The following BROX variants were observed in gnomAD, a reference collection of about 807,000 sequenced individuals.
BROX encodes the protein BRO1 domain and CAAX motif containing, also known as BRO1 domain-containing protein BROX.
Under a neutral mutation model 61.0 loss-of-function variants are expected in BROX, and 53 were observed. The ratio of observed to expected loss-of-function variants is 0.87; its 90% CI spans 0.70 to 1.09. The LOEUF is 1.09. Ranked by LOEUF, BROX falls within the 50% of genes least tolerant of loss-of-function variation. The probability of loss-of-function intolerance (pLI) is 0.00; values close to 1 mark genes in which losing one functional copy is unlikely to be tolerated. For missense variants in BROX, 489 were observed against 472.0 expected (o/e 1.04, Z -0.33); for synonymous variants, 152 against 160.2 (o/e 0.95, Z 0.38).
At chr1:222,720,559 C>G (rs1657004726) in intron 4 of BROX, among the ~76,000 whole-genome samples, 1 of 152,092 alleles carries the variant, frequency 6.6e-6, no homozygotes, top group South Asian at 2.1e-4. Context: ...CGCCTGTAAT[C>G]CCAACACTTT....
At chr1:222,724,727 A>G (rs553117167) in intron 6 of BROX, among the ~76,000 whole-genome samples, 35 of 152,278 alleles carry the variant, frequency 2.3e-4, no homozygotes, top group African/African-American at 7.0e-4. Context: ...GATTTTTTTC[A>G]TATTAAAATA....
chr1:222,731,084 A>G (rs1049613123), intron 11 of BROX, among the ~76,000 whole-genome samples: 24 of 152,078 alleles, frequency 1.6e-4, no homozygotes, highest in Non-Finnish European at 8.8e-5. Flanking sequence ...TGCCTAGTTC[A>G]CCTTTAATCA....
chr1:222,719,336 TA>T lies in BROX; in HGVS notation c.283del (p.Thr95HisfsTer17). 6.2e-7 allele frequency: 1 copy of T among 1,609,342 alleles called. No homozygotes were observed. Among genetic ancestry groups the T allele is most frequent in the African/African-American group, 1.3e-5 (1 of 74,924 alleles). On this transcript the variant is annotated frameshift_variant, in exon 4 of 13. Coordinates refer to ENST00000340934, the MANE Select transcript of BROX (RefSeq NM_144695.4). LOFTEE classifies it high-confidence loss of function. ...RYIQNFKWTDTLQGQVPSAQQ... is the reference protein window; with the variant it reads ...RYIQNFKWTDXLQGQVPSAQQ... ...ATATTCAAAATTTCAAGTGGACTGATACATTGCAAGGACAGGTTCCAAGGTA... is the reference window on the plus strand; with the variant it reads ...ATATTCAAAATTTCAAGTGGACTGATCATTGCAAGGACAGGTTCCAAGGTA...
At chr1:222,731,567 A>G in intron 12 of BROX, 51 bp downstream of exon 12, 1 of 1,534,918 alleles carries the variant, frequency 6.5e-7, no homozygotes. Context: ...TTTAAAAGAA[A>G]ATTCAGAGTT....
Position 222,714,915 on chromosome 1 carries a change from AGTATT to A in BROX, c.-16-763_-16-759del, listed in dbSNP as rs10607879. 1.8e-4 allele frequency among the ~76,000 whole-genome samples: 28 copies of A among 152,322 alleles called. No individual in the cohort carries two copies. In the East Asian group the frequency reaches 2.7e-3, roughly 15 times the overall value. On this transcript the variant is annotated intron_variant, in intron 1 of 12. Transcript: ENST00000340934. ...ATTTTATAATAGAATTTATTGATCA[AGTATT>A]GTATTACATTTTTATTTTAAAAATA...
intron 4 of BROX, 55 bp from the exon 5 acceptor site, chr1:222,722,364 A>T (rs1657164289): frequency 7.1e-7 from 1 of 1,411,266 alleles, no homozygotes; most frequent in Non-Finnish European, 1.0e-6. Flanking sequence ...AGTAGGCTTC[A>T]TGGTGTGATG....
At position 222,712,751 on chromosome 1, in the gene BROX, CT is replaced by C. The variant is rs1656149704; in HGVS notation, c.-207del. 1 of 1,290,000 alleles carries C rather than the reference CT, an allele frequency of 7.8e-7. No homozygotes were observed. 79.9% of individuals were successfully genotyped at this position (1,290,000 alleles called of 1,614,324 possible). Reference sequence around the variant, plus strand: ...CGCCGCGGCAATACCCGCCCCTGAGCTGCGCGCACTACCGCCTCGGTAGCTA... The same window carrying C: ...CGCCGCGGCAATACCCGCCCCTGAGCGCGCGCACTACCGCCTCGGTAGCTA... On this transcript the variant is annotated 5_prime_UTR_variant, in exon 1 of 13. Coordinates refer to ENST00000340934, the MANE Select transcript of BROX (RefSeq NM_144695.4).
chr1:222,730,358 G>A (rs1158638484), intron 11 of BROX, among the ~76,000 whole-genome samples, 181 bp downstream of exon 11: 1 of 152,180 alleles, frequency 6.6e-6, no homozygotes, highest in Non-Finnish European at 1.5e-5. Context: ...CACTCTGGGA[G>A]GTCAAGGAGG....
At chr1:222,716,933 G>A (rs1411701901) in intron 2 of BROX, among the ~76,000 whole-genome samples, 1 of 152,176 alleles carries the variant, frequency 6.6e-6, no homozygotes, top group Non-Finnish European at 1.5e-5. Context: ...TTTGCCTTGG[G>A]AGGCTGAAAA....
intron 2 of BROX, chr1:222,717,821 A>T (rs891563591): frequency 6.6e-6 from 1 of 152,200 alleles, no homozygotes; most frequent in Admixed American, 6.5e-5. Flanking sequence ...TTCTTTTTCC[A>T]CTCAACAAGT....
chr1:222,729,877 A>G, intron 10 of BROX, 150 bp from the exon 11 acceptor site: 3 of 961,392 alleles, frequency 3.1e-6, no homozygotes, highest in Admixed American at 5.3e-5. Flanking sequence ...TAGAAAATAC[A>G]CACCTTCTAC....
intron 11 of BROX, among the ~76,000 whole-genome samples, 151 bp from the exon 12 acceptor site, chr1:222,731,204 CAA>C (rs1657909882): frequency 1.3e-5 from 2 of 152,148 alleles, no homozygotes; most frequent in African/African-American, 4.8e-5. Flanking sequence ...TTGTAATTGA[CAA>C]AAGTTTCTTG....
rs530755117 is a variant in BROX at position 222,712,895 on chromosome 1, T to C, written c.-64T>C. ...TTCTCGCTTGTGGACTCCGATATAT[T>C]GCCCTTCTTCCCTTAGAAGAACTGC... is the stretch of plus-strand genomic sequence containing the variant. On this transcript the variant is annotated 5_prime_UTR_variant, in exon 1 of 13. Coordinates refer to ENST00000340934, the MANE Select transcript of BROX (RefSeq NM_144695.4). The C allele has an allele frequency of 8.1e-6, 10 of 1,238,390 alleles. 1 individual carries two copies. The South Asian group carries it at 1.3e-4, about 17-fold the overall frequency. The allele number at this position is 1,238,390 out of a possible 1,614,324, so 76.7% of individuals were successfully genotyped here.
At chr1:222,719,544 C>A (rs1041797781) in intron 4 of BROX, among the ~76,000 whole-genome samples, 185 bp downstream of exon 4, 11 of 152,184 alleles carry the variant, frequency 7.2e-5, no homozygotes, top group African/African-American at 2.4e-4. Context: ...TAATTTGTTT[C>A]TCCCAACCAA....
chr1:222,721,130 A>G (rs1657067057), intron 4 of BROX, among the ~76,000 whole-genome samples: 2 of 152,244 alleles, frequency 1.3e-5, no homozygotes, highest in African/African-American at 4.8e-5. Flanking sequence ...GACTTCACTA[A>G]ATTAGCCAAA....
rs967199630 is a variant in BROX, at chr1:222,712,931, C to T, written c.-28C>T. The T allele has an allele frequency of 1.7e-6, 2 of 1,191,478 alleles. No homozygotes were observed. The highest frequency in any genetic ancestry group is 2.1e-6 in the Non-Finnish European group (2 of 938,616). The allele number at this position is 1,191,478 out of a possible 1,614,324, so 73.8% of individuals were successfully genotyped here. ...CCTTAGAAGAACTGCTGAACCGACT[C>T]TGAGAAATTTGGTAAGTATGTCAGA... On this transcript the variant is annotated 5_prime_UTR_variant, in exon 1 of 13. Coordinates refer to ENST00000340934, the MANE Select transcript of BROX (RefSeq NM_144695.4).
In BROX at chr1:222,718,914, T is replaced by A. The variant is rs201755100; in HGVS notation, c.102-11T>A. 6.7e-5 allele frequency: 107 copies of A among 1,607,254 alleles called. No individual in the cohort carries two copies. In the African/African-American group the frequency reaches 1.0e-3, roughly 15 times the overall value. On this transcript the variant is annotated splice_polypyrimidine_tract_variant and intron_variant, in intron 2 of 12. Coordinates refer to ENST00000340934, the MANE Select transcript of BROX (RefSeq NM_144695.4). Reference sequence around the variant, plus strand: ...CAGCTAACTTTACTGTCTTTTTGTATCTCTTATAAGTGACTTGAGGTCATC... The same window carrying A: ...CAGCTAACTTTACTGTCTTTTTGTAACTCTTATAAGTGACTTGAGGTCATC...
intron 2 of BROX, 39 bp downstream of exon 2, chr1:222,715,839 C>A: frequency 7.5e-7 from 1 of 1,334,098 alleles, no homozygotes; most frequent in Non-Finnish European, 1.0e-6. Flanking sequence ...ATGCAAGGTA[C>A]TTTTTTTGGT....
At chr1:222,719,533 A>G (rs2125008586) in intron 4 of BROX, among the ~76,000 whole-genome samples, 174 bp downstream of exon 4, 1 of 152,374 alleles carries the variant, frequency 6.6e-6, no homozygotes, top group South Asian at 2.1e-4. Flanking sequence ...TAATAAAAAT[A>G]TAATTTGTTT....
Sources: allele counts gnomAD v4.1 joint callset (sites outside exome capture counted in the v4.1 genomes callset), GRCh38; gene constraint gnomAD v4.1.1; transcripts MANE v1.5; gene names NCBI Gene and HGNC (gene_info 2026-07-23, HGNC 2026-07-21).